NTRK2: variants seen among roughly 807,000 people sequenced by gnomAD.
The protein encoded by NTRK2 is BDNF/NT-3 growth factors receptor.
NTRK2 carries 13 observed loss-of-function variants against 94.5 expected under a neutral mutation model. The ratio of observed to expected loss-of-function variants is 0.14; its 90% CI spans 0.09 to 0.22. The LOEUF is 0.22. Ranked by LOEUF, NTRK2 falls within the 10% of genes least tolerant of loss-of-function variation. The probability of loss-of-function intolerance (pLI) is 1.00; values close to 1 mark genes in which losing one functional copy is unlikely to be tolerated. For missense variants in NTRK2, 639 were observed against 1,071.2 expected, an observed-to-expected ratio of 0.60 and a Z score of 5.63; for synonymous variants, 372 against 407.4, an observed-to-expected ratio of 0.91 and a Z score of 1.05.
chr9:84,733,969 T>G (rs990593534), intron 9 of NTRK2, among the ~76,000 whole-genome samples: 1 of 152,208 alleles, frequency 6.6e-6, no homozygotes, highest in African/African-American at 2.4e-5. Context: ...GCCTCCACTT[T>G]CCATATTATT....
intron 17 of NTRK2, among the ~76,000 whole-genome samples, chr9:84,989,844 C>T (rs957673204): frequency 1.3e-5 from 2 of 152,164 alleles, no homozygotes; most frequent in Non-Finnish European, 2.9e-5. Context: ...TTTCAAAAAA[C>T]GTCTTTGAAG....
chr9:84,710,822 T>C, intron 6 of NTRK2, 31 bp downstream of exon 6: 1 of 1,610,758 alleles, frequency 6.2e-7, no homozygotes, highest in African/African-American at 1.3e-5. Context: ...TGTGTTCTAG[T>C]TGCTATTAAT....
chr9:84,819,083 C>A (rs1451848591), intron 12 of NTRK2, among the ~76,000 whole-genome samples: 1 of 152,142 alleles, frequency 6.6e-6, no homozygotes, highest in Admixed American at 6.5e-5. Context: ...AAAATCTCTG[C>A]CTGACCATAA....
intron 14 of NTRK2, chr9:84,876,499 G>A (rs2076072764): frequency 1.9e-5 from 20 of 1,055,054 alleles, no homozygotes; most frequent in Non-Finnish European, 2.3e-5. Flanking sequence ...GAATAGAGAG[G>A]CACTAACTGC....
At chr9:84,838,413 C>T (rs2131747784) in intron 12 of NTRK2, among the ~76,000 whole-genome samples, 1 of 152,142 alleles carries the variant, frequency 6.6e-6, no homozygotes, top group East Asian at 1.9e-4. Context: ...ACATGCTCGC[C>T]ATACAATGTT....
At chr9:84,697,389 A>C (rs1212510642) in intron 2 of NTRK2, among the ~76,000 whole-genome samples, 1 of 152,144 alleles carries the variant, frequency 6.6e-6, no homozygotes, top group Non-Finnish European at 1.5e-5. Context: ...TCATGGAGAG[A>C]AATCTCCTGG....
At chr9:84,976,181 C>G (rs1192525092) in intron 17 of NTRK2, among the ~76,000 whole-genome samples, 1 of 152,186 alleles carries the variant, frequency 6.6e-6, no homozygotes, top group African/African-American at 2.4e-5. Flanking sequence ...TTTATTTTCT[C>G]ACACCCCTGG....
At chr9:84,862,016 C>G (rs1489880461) in intron 13 of NTRK2, among the ~76,000 whole-genome samples, 1 of 152,188 alleles carries the variant, frequency 6.6e-6, no homozygotes, top group East Asian at 1.9e-4. Context: ...TGGGCAGTCT[C>G]TATCACTGTC....
At chr9:84,691,644 A>G (rs2060055248) in intron 2 of NTRK2, among the ~76,000 whole-genome samples, 1 of 152,202 alleles carries the variant, frequency 6.6e-6, no homozygotes, top group African/African-American at 2.4e-5. Flanking sequence ...CTATCTGAGT[A>G]TGAAGATGAG....
At chr9:84,878,373 C>T (rs1837145338) in intron 14 of NTRK2, among the ~76,000 whole-genome samples, 1 of 151,950 alleles carries the variant, frequency 6.6e-6, no homozygotes, top group African/African-American at 2.4e-5. Context: ...TGGTGGCTCG[C>T]GTCTGTAATC....
intron 14 of NTRK2, among the ~76,000 whole-genome samples, chr9:84,903,448 C>T (rs2076989619): frequency 6.6e-6 from 1 of 152,220 alleles, no homozygotes; most frequent in African/African-American, 2.4e-5. Flanking sequence ...ACAATCTCAT[C>T]ATGTTCCATC....
intron 2 of NTRK2, among the ~76,000 whole-genome samples, chr9:84,691,867 C>A (rs1188533661): frequency 1.3e-5 from 2 of 152,146 alleles, no homozygotes; most frequent in Non-Finnish European, 2.9e-5. Flanking sequence ...TGCCTCCAAC[C>A]CTGAGAGAGA....
intron 17 of NTRK2, among the ~76,000 whole-genome samples, chr9:84,959,968 T>C (rs1824705925): frequency 6.6e-6 from 1 of 152,238 alleles, no homozygotes; most frequent in Admixed American, 6.5e-5. Context: ...ACATCTGCAA[T>C]CCTAGCTGTT....
At chr9:84,800,636 C>T (rs2070310632) in intron 12 of NTRK2, among the ~76,000 whole-genome samples, 1 of 152,226 alleles carries the variant, frequency 6.6e-6, no homozygotes, top group South Asian at 2.1e-4. Context: ...GAACTAAAGC[C>T]ATGGAACAGT....
chr9:84,852,704 C>G (rs2074841702), intron 12 of NTRK2, among the ~76,000 whole-genome samples: 1 of 152,282 alleles, frequency 6.6e-6, no homozygotes, highest in African/African-American at 2.4e-5. Flanking sequence ...AATGTAGACT[C>G]ACTAAACTGC....
At chr9:84,676,229 AG>A (rs1327048968) in intron 2 of NTRK2, among the ~76,000 whole-genome samples, 1 of 152,144 alleles carries the variant, frequency 6.6e-6, no homozygotes, top group Non-Finnish European at 1.5e-5. Flanking sequence ...AAGTTTCTCA[AG>A]GCTCTGAAGT....
chr9:84,675,536 G>A (rs1305291946), intron 2 of NTRK2, among the ~76,000 whole-genome samples: 2 of 151,982 alleles, frequency 1.3e-5, no homozygotes, highest in Non-Finnish European at 1.5e-5. Context: ...TGACATGAAA[G>A]ACCTGCCCCT....
chr9:84,780,946 T>C (rs2067503266), intron 12 of NTRK2, among the ~76,000 whole-genome samples: 1 of 152,106 alleles, frequency 6.6e-6, no homozygotes, highest in Non-Finnish European at 1.5e-5. Flanking sequence ...AGAAAAAAGG[T>C]ATGGTTCTGA....
At chr9:84,815,682 C>A (rs201598291) in intron 12 of NTRK2, 3 of 1,005,710 alleles carry the variant, frequency 3.0e-6, no homozygotes, top group Non-Finnish European at 3.6e-6. Context: ...TTTTAACAAG[C>A]CAATAAAGTT....
Sources: gnomAD v4.1 joint callset for allele counts (sites outside exome capture counted in the v4.1 genomes callset) on GRCh38, gnomAD v4.1.1 for gene constraint, MANE v1.5 for transcripts, NCBI Gene and HGNC (gene_info 2026-07-23, HGNC 2026-07-21) for gene names.